Variants in TCF7L2 observed in about 807,000 individuals in gnomAD.
The protein encoded by TCF7L2 is transcription factor 7 like 2, also known as transcription factor 7-like 2.
In TCF7L2, 23 loss-of-function variants were observed where a neutral mutation model predicts 77.9. The observed-to-expected ratio is 0.30, with a 90% confidence interval of 0.21 to 0.42. The LOEUF is 0.42. Ranked by LOEUF, TCF7L2 falls within the 10% of genes least tolerant of loss-of-function variation. The pLI is 1.00. For missense variants in TCF7L2, 654 were observed against 793.1 expected, an observed-to-expected ratio of 0.82 and a Z score of 2.11; for synonymous variants, 413 against 340.2, an observed-to-expected ratio of 1.21 and a Z score of -2.36.
At chr10:113,078,088 T>A (rs2058919913) in intron 5 of TCF7L2, among the ~76,000 whole-genome samples, 1 of 151,830 alleles carries the variant, frequency 6.6e-6, no homozygotes, top group East Asian at 1.9e-4. Context: ...GGATATCCCA[T>A]ATTTTGTTGA....
At chr10:113,074,492 T>C (rs1470621259) in intron 5 of TCF7L2, among the ~76,000 whole-genome samples, 1 of 152,188 alleles carries the variant, frequency 6.6e-6, no homozygotes, top group African/African-American at 2.4e-5. Context: ...ATCCTGTCAC[T>C]TCATACATTT....
At chr10:112,987,622 A>G (rs2041802942) in intron 4 of TCF7L2, 1 of 152,096 alleles carries the variant, frequency 6.6e-6, no homozygotes, top group Non-Finnish European at 1.5e-5. Flanking sequence ...GCATTGACGA[A>G]TTTGAAATTA....
chr10:112,999,518 G>A (rs566635372), intron 4 of TCF7L2, among the ~76,000 whole-genome samples: 41 of 152,342 alleles, frequency 2.7e-4, no homozygotes, highest in African/African-American at 8.9e-4. Context: ...TCTGGGAGGA[G>A]GAGAGGAAGC....
At chr10:113,082,618 T>C (rs1230040395) in intron 5 of TCF7L2, among the ~76,000 whole-genome samples, 3 of 151,856 alleles carry the variant, frequency 2.0e-5, no homozygotes, top group African/African-American at 2.4e-5. Context: ...TGTGTGTGTG[T>C]GCACGTGCAC....
At chr10:113,018,386 A>C (rs2047692004) in intron 4 of TCF7L2, among the ~76,000 whole-genome samples, 1 of 148,202 alleles carries the variant, frequency 6.7e-6, no homozygotes, top group Non-Finnish European at 1.5e-5. Flanking sequence ...TGTTGCTTTC[A>C]TGAAAGGTTC....
chr10:113,128,360 T>C (rs1447048771), intron 5 of TCF7L2, among the ~76,000 whole-genome samples: 1 of 152,188 alleles, frequency 6.6e-6, no homozygotes, highest in African/African-American at 2.4e-5. Context: ...TTTTGTTGAT[T>C]TTTTTGGTGG....
rs2074021782 is a variant in TCF7L2 at position 113,165,954 on chromosome 10, C to T, written c.1791C>T (p.Val597=). 6.5e-7 allele frequency: 1 copy of T among 1,533,240 alleles called. No homozygotes were observed. Among genetic ancestry groups the T allele is most frequent in the Non-Finnish European group, 8.8e-7 (1 of 1,138,838 alleles). 95.0% of individuals were successfully genotyped at this position (1,533,240 alleles called of 1,614,324 possible). ...CCCAGCCCCAGCCGCTGTCGCTCGT[C>T]ACCAAGTCTTTAGAATAGCTTTAGC... Residue 597 remains valine, a synonymous_variant, in exon 14 of 14, where the codon GTC becomes GTT. Coordinates refer to ENST00000627217, the MANE Select transcript of TCF7L2 (RefSeq NM_001146274.2).
chr10:113,036,337 A>T (rs971951688), intron 4 of TCF7L2, among the ~76,000 whole-genome samples: 2 of 152,084 alleles, frequency 1.3e-5, no homozygotes, highest in Non-Finnish European at 2.9e-5. Flanking sequence ...GCTTTAGTAG[A>T]TGCCAATTTC....
intron 4 of TCF7L2, among the ~76,000 whole-genome samples, chr10:112,992,821 T>C (rs569651901): frequency 1.3e-5 from 2 of 151,868 alleles, no homozygotes; most frequent in Non-Finnish European, 2.9e-5. Context: ...TGGAGTGCAG[T>C]GGCACGATCT....
intron 4 of TCF7L2, among the ~76,000 whole-genome samples, chr10:113,015,997 A>G (rs2047275655): frequency 6.6e-6 from 1 of 151,868 alleles, no homozygotes; most frequent in Non-Finnish European, 1.5e-5. Context: ...AGGGTAACGC[A>G]GTAATAAATC....
intron 5 of TCF7L2, among the ~76,000 whole-genome samples, chr10:113,071,021 T>C (rs151253398): frequency 2.0e-5 from 3 of 152,324 alleles, no homozygotes; most frequent in East Asian, 1.9e-4. Flanking sequence ...ACATTTCATA[T>C]AGATGAAATC....
chr10:113,154,800 G>A (rs183361659), intron 11 of TCF7L2, among the ~76,000 whole-genome samples: 42 of 152,234 alleles, frequency 2.8e-4, no homozygotes, highest in African/African-American at 1.0e-3. Flanking sequence ...TGGATTTAGG[G>A]CTCTAGGAAC....
At chr10:113,152,054 C>T (rs1398319760) in intron 10 of TCF7L2, among the ~76,000 whole-genome samples, 170 bp downstream of exon 10, 3 of 152,128 alleles carry the variant, frequency 2.0e-5, no homozygotes, top group Non-Finnish European at 4.4e-5. Context: ...AGTTATTCTG[C>T]ACTCAGCGTT....
chr10:113,047,761 C>T (rs1252178275), intron 5 of TCF7L2, among the ~76,000 whole-genome samples: 1 of 152,058 alleles, frequency 6.6e-6, no homozygotes, highest in Non-Finnish European at 1.5e-5. Context: ...AAAATGTACC[C>T]ACTTGTCAAA....
rs563673138 is a variant in TCF7L2 at position 113,040,831 on chromosome 10, C to T, written c.552+705C>T. 2.6e-5 allele frequency among the ~76,000 whole-genome samples: 4 copies of T among 152,262 alleles called. No individual in the cohort carries two copies. The South Asian group carries it at 8.3e-4, about 32-fold the overall frequency. ...ATAAATTAACCTCTTGAGAAGATAG[C>T]TCAGCCTTATTTGAAGATTCCCTTC... On this transcript the variant is annotated intron_variant, in intron 5 of 13. Coordinates refer to ENST00000627217, the MANE Select transcript of TCF7L2 (RefSeq NM_001146274.2).
At chr10:113,127,057 A>G (rs919726357) in intron 5 of TCF7L2, 1 of 399,610 alleles carries the variant, frequency 2.5e-6, no homozygotes, top group African/African-American at 2.2e-5. Context: ...TTGACTGGTA[A>G]GCTGCCGGGG....
intron 5 of TCF7L2, among the ~76,000 whole-genome samples, chr10:113,099,798 C>A (rs1451290199): frequency 6.6e-6 from 1 of 151,754 alleles, no homozygotes; most frequent in Non-Finnish European, 1.5e-5. Flanking sequence ...GACTTGCCAT[C>A]GCAGCCAATT....
At chr10:113,160,491 G>A in intron 12 of TCF7L2, 1 of 676,350 alleles carries the variant, frequency 1.5e-6, no homozygotes, top group Admixed American at 3.8e-5. Context: ...CATGTCCTTG[G>A]TGAGGGAAGA....
At chr10:113,153,821 A>C (rs1030798023) in intron 11 of TCF7L2, among the ~76,000 whole-genome samples, 1 of 152,220 alleles carries the variant, frequency 6.6e-6, no homozygotes, top group African/African-American at 2.4e-5. Context: ...CTGCCGGCCT[A>C]TGTGATCCTG....
Sources: gnomAD v4.1 joint callset for allele counts (sites outside exome capture counted in the v4.1 genomes callset) on GRCh38, gnomAD v4.1.1 for gene constraint, MANE v1.5 for transcripts, NCBI Gene and HGNC (gene_info 2026-07-23, HGNC 2026-07-21) for gene names.